NOL4L: variants seen among roughly 807,000 people sequenced by gnomAD.
The protein encoded by NOL4L is nucleolar protein 4 like, also known as nucleolar protein 4-like.
A neutral mutation model predicts 64.5 loss-of-function variants in NOL4L; 7 were observed. The observed-to-expected ratio is 0.11, with a 90% CI of 0.06 to 0.20. The LOEUF is 0.20. NOL4L is among the 10% of genes least tolerant of loss of function. NOL4L has a pLI of 1.00. For missense variants in NOL4L, 680 were observed against 967.1 expected (o/e 0.70, Z 3.94); for synonymous variants, 413 against 401.0 (o/e 1.03, Z -0.36).
intron 1 of NOL4L, among the ~76,000 whole-genome samples, chr20:32,575,193 G>T (rs1980015955): frequency 6.6e-6 from 1 of 152,002 alleles, no homozygotes. Context: ...CTGATGCGAT[G>T]GGCTCTTCAG....
intron 4 of NOL4L, among the ~76,000 whole-genome samples, chr20:32,510,863 C>T (rs2017367827): frequency 6.6e-6 from 1 of 152,102 alleles, no homozygotes; most frequent in African/African-American, 2.4e-5. Flanking sequence ...CCTTGGCAAA[C>T]CCCAGCTGGG....
At chr20:32,572,861 C>A (rs1979839392) in intron 1 of NOL4L, among the ~76,000 whole-genome samples, 1 of 152,148 alleles carries the variant, frequency 6.6e-6, no homozygotes, top group African/African-American at 2.4e-5. Context: ...TTCTGCAGCT[C>A]TCTGCTCCAG....
intron 4 of NOL4L, chr20:32,483,505 G>T: frequency 1.0e-6 from 1 of 985,336 alleles, no homozygotes; most frequent in South Asian, 4.6e-5. Context: ...CCACCGCGGC[G>T]CGTCACTGCC....
chr20:32,569,768 G>A (rs905278544), intron 1 of NOL4L, among the ~76,000 whole-genome samples: 1 of 152,172 alleles, frequency 6.6e-6, no homozygotes, highest in Non-Finnish European at 1.5e-5. Context: ...AGAGGGCAGA[G>A]ATCAAGTCCT....
chr20:32,496,988 CCA>C (rs2016715698), intron 4 of NOL4L, among the ~76,000 whole-genome samples: 1 of 149,578 alleles, frequency 6.7e-6, no homozygotes, highest in South Asian at 2.1e-4. Context: ...GGATCCACAC[CCA>C]GTCACCCCGA....
rs964863709 is a variant in NOL4L, at chr20:32,523,652, A to T, written c.478-2730T>A. Among the ~76,000 whole-genome samples the T allele has an allele frequency of 3.3e-5, 5 of 152,234 alleles. No individual in the cohort carries two copies. The East Asian group carries it at 9.6e-4, about 29-fold the overall frequency. On this transcript the variant is annotated intron_variant, in intron 2 of 10. Coordinates refer to ENST00000621426, the MANE Select transcript of NOL4L (RefSeq NM_001256798.2). ...TACACTGAAGCCCAAAACATGAAAC[A>T]GATAAAGACAGAGCTGCTGTGTCTA... is the stretch of plus-strand genomic sequence containing the variant.
At chr20:32,466,524 C>T (rs1320974848) in intron 5 of NOL4L, among the ~76,000 whole-genome samples, 2 of 152,192 alleles carry the variant, frequency 1.3e-5, no homozygotes, top group African/African-American at 4.8e-5. Context: ...GGCCCACAGC[C>T]AATCCCTGGA....
At chr20:32,475,543 G>C (rs1272543562) in intron 4 of NOL4L, among the ~76,000 whole-genome samples, 1 of 152,254 alleles carries the variant, frequency 6.6e-6, no homozygotes, top group Non-Finnish European at 1.5e-5. Flanking sequence ...GGGAACCCCC[G>C]GGGCGGGGCC....
At chr20:32,466,432 C>T (rs1225783468) in intron 5 of NOL4L, among the ~76,000 whole-genome samples, 2 of 152,222 alleles carry the variant, frequency 1.3e-5, no homozygotes, top group East Asian at 3.9e-4. Context: ...CGGGCCGGGG[C>T]CCAGCACAGC....
chr20:32,451,066 C>A (rs1245718768), intron 10 of NOL4L, among the ~76,000 whole-genome samples: 1 of 152,108 alleles, frequency 6.6e-6, no homozygotes, highest in African/African-American at 2.4e-5. Flanking sequence ...CCTTGCTGCC[C>A]AGGAACAGTG....
intron 1 of NOL4L, among the ~76,000 whole-genome samples, chr20:32,583,700 C>A (rs1980668846): frequency 6.7e-6 from 1 of 148,658 alleles, no homozygotes; most frequent in Non-Finnish European, 1.5e-5. Context: ...GCGGGGGAGC[C>A]GCGGGGCCCG....
chr20:32,499,594 C>A (rs1340972684), intron 4 of NOL4L, among the ~76,000 whole-genome samples: 1 of 151,850 alleles, frequency 6.6e-6, no homozygotes, highest in African/African-American at 2.4e-5. Flanking sequence ...CAAAAATTAG[C>A]CGGGCATGGT....
At chr20:32,484,467 T>C (rs907862123) in intron 4 of NOL4L, among the ~76,000 whole-genome samples, 13 of 152,038 alleles carry the variant, frequency 8.6e-5, no homozygotes, top group Non-Finnish European at 1.8e-4. Context: ...TCCCACCACT[T>C]AGTTTACACC....
At chr20:32,483,443 A>C in intron 4 of NOL4L, 1 of 990,608 alleles carries the variant, frequency 1.0e-6, no homozygotes, top group Non-Finnish European at 1.2e-6. Context: ...CCACAGCTCC[A>C]GCTGCTGCTG....
At chr20:32,511,299 G>T in intron 4 of NOL4L, 48 bp downstream of exon 4, 1 of 1,219,846 alleles carries the variant, frequency 8.2e-7, no homozygotes, top group Non-Finnish European at 1.2e-6. Flanking sequence ...CCACCGCCAG[G>T]CAAGTCAGGA....
intron 1 of NOL4L, among the ~76,000 whole-genome samples, chr20:32,538,337 G>A (rs912128464): frequency 5.3e-5 from 8 of 152,174 alleles, no homozygotes; most frequent in African/African-American, 1.9e-4. Flanking sequence ...ACCAAGGAGG[G>A]GCAGGAAGTG....
At chr20:32,558,696 G>A (rs1446517286) in intron 1 of NOL4L, among the ~76,000 whole-genome samples, 1 of 152,234 alleles carries the variant, frequency 6.6e-6, no homozygotes, top group Admixed American at 6.5e-5. Flanking sequence ...GACTGGTGGG[G>A]CCAGAGGGTC....
intron 4 of NOL4L, among the ~76,000 whole-genome samples, chr20:32,488,879 C>CTT (rs11475052): frequency 1.2e-5 from 1 of 84,936 alleles, no homozygotes; most frequent in Non-Finnish European, 2.2e-5. Context: ...TTCTTTCTTT[C>CTT]TTTCTTTCTT....
chr20:32,484,162 G>A (rs2145501519), intron 4 of NOL4L, among the ~76,000 whole-genome samples: 1 of 152,254 alleles, frequency 6.6e-6, no homozygotes, highest in East Asian at 1.9e-4. Flanking sequence ...CCTTCGGGCA[G>A]CCTTCGACCC....
Sources: allele counts gnomAD v4.1 joint callset (sites outside exome capture counted in the v4.1 genomes callset), GRCh38; gene constraint gnomAD v4.1.1; transcripts MANE v1.5; gene names NCBI Gene and HGNC (gene_info 2026-07-23, HGNC 2026-07-21).